The following COG6 variants were observed in gnomAD, a reference collection of about 807,000 sequenced individuals.
COG6 encodes the protein conserved oligomeric Golgi complex subunit 6.
In COG6, 74 loss-of-function variants were observed where a neutral mutation model predicts 88.8. That is an observed-to-expected ratio of 0.83 (90% CI 0.69 to 1.01). The LOEUF is 1.01. Ranked by LOEUF, COG6 falls within the 50% of genes least tolerant of loss-of-function variation. COG6 has a pLI of 0.00. For synonymous variants in COG6, 286 were observed against 278.7 expected, an observed-to-expected ratio of 1.03 and a Z score of -0.26; for missense variants, 800 against 797.9, an observed-to-expected ratio of 1.00 and a Z score of -0.03.
intron 18 of COG6, among the ~76,000 whole-genome samples, chr13:39,741,769 C>T (rs920692804): frequency 6.6e-6 from 1 of 151,968 alleles, no homozygotes; most frequent in African/African-American, 2.4e-5. Flanking sequence ...CCAAGATACT[C>T]CTCGAGAAAA....
intron 15 of COG6, among the ~76,000 whole-genome samples, chr13:39,721,952 G>A (rs191001007): frequency 6.6e-6 from 1 of 152,120 alleles, no homozygotes; most frequent in Admixed American, 6.6e-5. Flanking sequence ...TTGGACTTTG[G>A]AGAACCATTT....
Position 39,751,852 on chromosome 13 carries a change from A to G in COG6, c.*759A>G. On this transcript the variant is annotated 3_prime_UTR_variant, in exon 19 of 19. Transcript: ENST00000455146. ...CCTTTCCAATGAGCTCTAAGCATGT[A>G]GATAGCCTGAGCTGTGTCTAAGCCT... The G allele has an allele frequency of 3.9e-6, 5 of 1,287,158 alleles. No homozygotes were observed. Among genetic ancestry groups the G allele is most frequent in the Non-Finnish European group, 5.1e-6 (5 of 988,656 alleles). 79.7% of individuals were successfully genotyped at this position (1,287,158 alleles called of 1,614,324 possible).
intron 11 of COG6, among the ~76,000 whole-genome samples, chr13:39,693,999 A>T (rs945734786): frequency 6.6e-6 from 1 of 151,924 alleles, no homozygotes; most frequent in South Asian, 2.1e-4. Flanking sequence ...TTTAGATTGT[A>T]TTCATTAATG....
At position 39,665,026 on chromosome 13, in the gene COG6, T is replaced by G. The variant is rs1000165424; in HGVS notation, c.370-70T>G. On this transcript the variant is annotated intron_variant, in intron 3 of 18. Transcript: ENST00000455146. ...TGTTTTAAGTCTAAATTGCAGTAAGTGGTAGTATTTGTTTTCTGAAATATA... is the reference window on the plus strand; with the variant it reads ...TGTTTTAAGTCTAAATTGCAGTAAGGGGTAGTATTTGTTTTCTGAAATATA... 21 of 767,552 alleles carry G rather than the reference T, an allele frequency of 2.7e-5. No individual in the cohort carries two copies. In the African/African-American group the frequency reaches 2.8e-4, roughly 10 times the overall value. 47.5% of individuals were successfully genotyped at this position (767,552 alleles called of 1,614,324 possible). A position where few individuals can be genotyped will look rare whatever the true frequency, so the allele number is the denominator to read the frequency against.
At chr13:39,677,817 T>C (rs566275498) in intron 5 of COG6, among the ~76,000 whole-genome samples, 137 of 152,314 alleles carry the variant, frequency 9.0e-4, no homozygotes, top group African/African-American at 3.0e-3. Context: ...CTTCCTCACC[T>C]CTAGGTCTTT....
In COG6 at chr13:39,687,721, A is replaced by C. The variant is rs1227043546; in HGVS notation, c.931A>C (p.Met311Leu). Residue 311 changes from methionine to leucine, a missense_variant, in exon 10 of 19, where the codon ATG becomes CTG. Met to Leu is a conservative substitution (Grantham distance 15). Transcript: ENST00000455146. The part of the protein sequence containing the change: ...SHDPLRYVGD[M>L]LAWLHQATAS... ...AGTTTTCATTAGGTATGTAGGAGAT[A>C]TGTTGGCTTGGCTCCATCAAGCTAC... 1.2e-6 allele frequency: 2 copies of C among 1,613,956 alleles called. No homozygotes were observed. Among genetic ancestry groups the C allele is most frequent in the African/African-American group, 2.7e-5 (2 of 74,912 alleles).
intron 3 of COG6, among the ~76,000 whole-genome samples, chr13:39,661,636 T>C (rs1874903387): frequency 1.3e-5 from 2 of 152,090 alleles, no homozygotes. Context: ...TTGATATTCT[T>C]ACTAATCTAT....
At chr13:39,763,274 G>T (rs1342065291) in intron 18 of COG6, among the ~76,000 whole-genome samples, 2 of 151,626 alleles carry the variant, frequency 1.3e-5, no homozygotes, top group East Asian at 3.9e-4. Context: ...TTCTAAATTG[G>T]CAAGCACACA....
At chr13:39,689,062 G>C (rs1003617651) in intron 10 of COG6, among the ~76,000 whole-genome samples, 3 of 152,122 alleles carry the variant, frequency 2.0e-5, no homozygotes, top group African/African-American at 7.2e-5. Context: ...GCATCGTTAG[G>C]TTCTCTTTCT....
intron 4 of COG6, among the ~76,000 whole-genome samples, chr13:39,673,196 G>A (rs1875755604): frequency 2.0e-5 from 3 of 151,716 alleles, no homozygotes; most frequent in South Asian, 2.1e-4. Flanking sequence ...CTTCACATTC[G>A]TGATATCATT....
chr13:39,702,363 T>C lies in COG6; in HGVS notation c.1284+2745T>C, dbSNP rs968984137. ...TAAAGATAGTCAGTAGTGGAAACCA[T>C]AGATTAGTCACTTTTTAAGTTTTAA... On this transcript the variant is annotated intron_variant, in intron 13 of 18. Coordinates refer to ENST00000455146, the MANE Select transcript of COG6 (RefSeq NM_020751.3). Among the ~76,000 whole-genome samples the C allele has an allele frequency of 1.2e-4, 18 of 152,078 alleles. No homozygotes were observed. The East Asian group carries it at 3.3e-3, about 28-fold the overall frequency.
At chr13:39,710,061 T>C (rs1481812725) in intron 13 of COG6, among the ~76,000 whole-genome samples, 1 of 152,192 alleles carries the variant, frequency 6.6e-6, no homozygotes, top group Non-Finnish European at 1.5e-5. Flanking sequence ...TCTGAGGCTT[T>C]GATTAAATCT....
At chr13:39,668,787 C>CAAAAA (rs58876374) in intron 4 of COG6, among the ~76,000 whole-genome samples, 3 of 89,510 alleles carry the variant, frequency 3.4e-5, no homozygotes, top group African/African-American at 8.3e-5. Context: ...GACTCCGTCT[C>CAAAAA]AAAAAAAAAA....
intron 13 of COG6, among the ~76,000 whole-genome samples, chr13:39,701,433 T>C (rs1388659492): frequency 6.6e-6 from 1 of 151,786 alleles, no homozygotes; most frequent in Admixed American, 6.6e-5. Flanking sequence ...TTGGATGAAG[T>C]CACTAGGAAT....
intron 4 of COG6, among the ~76,000 whole-genome samples, chr13:39,669,656 G>A (rs972346399): frequency 3.3e-5 from 5 of 152,156 alleles, no homozygotes; most frequent in African/African-American, 9.6e-5. Context: ...CATTGTATTG[G>A]AGCTTGTAAT....
chr13:39,740,836 T>C (rs1227965151), intron 18 of COG6, among the ~76,000 whole-genome samples: 1 of 152,238 alleles, frequency 6.6e-6, no homozygotes, highest in Non-Finnish European at 1.5e-5. Context: ...AAGGATATTA[T>C]CGTCTTTTCT....
chr13:39,664,963 T>C (rs566508972), intron 3 of COG6, 133 bp from the exon 4 acceptor site: 93 of 632,842 alleles, frequency 1.5e-4, no homozygotes, highest in Non-Finnish European at 2.6e-4. Context: ...ACGTATTTCA[T>C]TTTATTGTGC....
At chr13:39,764,150 A>T (rs1408263375) in intron 18 of COG6, among the ~76,000 whole-genome samples, 3 of 151,850 alleles carry the variant, frequency 2.0e-5, no homozygotes, top group African/African-American at 7.2e-5. Flanking sequence ...TTTGCAAGGT[A>T]TATGTCCATT....
intron 12 of COG6, among the ~76,000 whole-genome samples, chr13:39,699,118 A>C (rs1015419259): frequency 2.0e-5 from 3 of 151,800 alleles, no homozygotes; most frequent in Non-Finnish European, 4.4e-5. Flanking sequence ...ATATTTTATC[A>C]ATAGAGCTGT....
Sources: gnomAD v4.1 joint callset for allele counts (sites outside exome capture counted in the v4.1 genomes callset) on GRCh38, gnomAD v4.1.1 for gene constraint, MANE v1.5 for transcripts, NCBI Gene and HGNC (gene_info 2026-07-23, HGNC 2026-07-21) for gene names.